WLS: variants seen among roughly 807,000 people sequenced by gnomAD.
The protein encoded by WLS is protein wntless homolog.
In WLS, 23 loss-of-function variants were observed where a neutral mutation model predicts 62.8. That is an observed-to-expected ratio of 0.37 (90% CI 0.26 to 0.52). The LOEUF (loss-of-function observed/expected upper bound fraction) is 0.52. Ranked by LOEUF, WLS falls within the 20% of genes least tolerant of loss-of-function variation. The pLI is 0.92. For missense variants in WLS, 615 were observed against 697.3 expected (o/e 0.88, Z 1.33); for synonymous variants, 246 against 244.1 (o/e 1.01, Z -0.07).
intron 10 of WLS, among the ~76,000 whole-genome samples, chr1:68,143,525 G>A (rs1459322261): frequency 2.0e-5 from 3 of 152,140 alleles, no homozygotes; most frequent in African/African-American, 7.2e-5. Context: ...TATTTTTACT[G>A]TATTTTTCTA....
At chr1:68,168,383 A>T (rs1425667693) in intron 2 of WLS, among the ~76,000 whole-genome samples, 1 of 152,162 alleles carries the variant, frequency 6.6e-6, no homozygotes, top group African/African-American at 2.4e-5. Flanking sequence ...TCCTTTTATG[A>T]CTTCCCACCT....
At chr1:68,211,164 C>T (rs1649499740) in intron 1 of WLS, among the ~76,000 whole-genome samples, 2 of 152,164 alleles carry the variant, frequency 1.3e-5, no homozygotes, top group African/African-American at 4.8e-5. Flanking sequence ...TTAAAAACAT[C>T]TCACCACTAG....
chr1:68,200,308 T>C (rs1377058630), intron 1 of WLS, among the ~76,000 whole-genome samples: 1 of 152,196 alleles, frequency 6.6e-6, no homozygotes, highest in Non-Finnish European at 1.5e-5. Flanking sequence ...GTTAAAAAGC[T>C]GCCAGCACCA....
intron 10 of WLS, among the ~76,000 whole-genome samples, chr1:68,143,712 TC>T (rs1444878639): frequency 1.3e-5 from 2 of 152,182 alleles, no homozygotes; most frequent in African/African-American, 4.8e-5. Context: ...TCTATGATGT[TC>T]CCTTAATGAG....
At chr1:68,118,872 T>G (rs1646328477) in intron 11 of WLS, among the ~76,000 whole-genome samples, 1 of 33,392 alleles carries the variant, frequency 3.0e-5, no homozygotes, top group Non-Finnish European at 5.8e-5. Context: ...CAAGACTCTG[T>G]CTCAAAAAAA....
At position 68,145,860 on chromosome 1, in the gene WLS, T is replaced by C; in HGVS notation, c.1278+9A>G. On this transcript the variant is annotated intron_variant, in intron 9 of 11. Coordinates refer to ENST00000262348, the MANE Select transcript of WLS (RefSeq NM_024911.7). ...ACCAGTTCCAGAACGAGCCAAGAAA[T>C]CTGCCCACCTCATAGTGTAGCCGCC... The C allele has an allele frequency of 1.2e-6, 2 of 1,613,952 alleles. No homozygotes were observed. The highest frequency in any genetic ancestry group is 1.7e-6 in the Non-Finnish European group (2 of 1,179,946).
intron 10 of WLS, among the ~76,000 whole-genome samples, chr1:68,142,290 G>A (rs972814783): frequency 1.4e-4 from 21 of 152,204 alleles, no homozygotes; most frequent in Non-Finnish European, 2.5e-4. Context: ...GTGGCCTTAG[G>A]ATCAAAAGCG....
chr1:68,162,310 A>G, intron 2 of WLS: 1 of 1,613,354 alleles, frequency 6.2e-7, no homozygotes, highest in Non-Finnish European at 8.5e-7. Context: ...TCCCTGCCTC[A>G]TCTGCTTTAT....
At chr1:68,101,003 T>G (rs767779216) in intron 11 of WLS, among the ~76,000 whole-genome samples, 16 of 152,208 alleles carry the variant, frequency 1.1e-4, no homozygotes, top group Non-Finnish European at 1.9e-4. Flanking sequence ...AACATAAACG[T>G]GGCCAAACCG....
intron 1 of WLS, among the ~76,000 whole-genome samples, chr1:68,215,205 C>G (rs906212502): frequency 1.3e-5 from 2 of 152,172 alleles, no homozygotes; most frequent in Admixed American, 6.6e-5. Context: ...CAAAAAACAC[C>G]AATCATCCTC....
chr1:68,229,211 G>T (rs182639112), intron 1 of WLS, among the ~76,000 whole-genome samples: 1 of 152,234 alleles, frequency 6.6e-6, no homozygotes, highest in Non-Finnish European at 1.5e-5. Flanking sequence ...TGGTGGGGTG[G>T]TTGTTTTTGT....
chr1:68,144,707 A>G (rs751876101), intron 9 of WLS, 55 bp from the exon 10 acceptor site: 17 of 1,418,144 alleles, frequency 1.2e-5, no homozygotes, highest in African/African-American at 2.8e-5. Context: ...TCCTTTTCTC[A>G]CTATGTAAAT....
At chr1:68,189,206 A>G (rs1317386099) in intron 2 of WLS, among the ~76,000 whole-genome samples, 1 of 152,138 alleles carries the variant, frequency 6.6e-6, no homozygotes, top group Non-Finnish European at 1.5e-5. Flanking sequence ...ACTTGTGTGC[A>G]AGTCATCCTT....
intron 2 of WLS, 103 bp downstream of exon 2, chr1:68,193,852 T>C (rs1648504301): frequency 2.8e-6 from 4 of 1,437,932 alleles, no homozygotes; most frequent in Non-Finnish European, 3.8e-6. Context: ...AATTGTTTGC[T>C]ATTACTATTA....
chr1:68,136,620 C>T (rs971638052), intron 11 of WLS, among the ~76,000 whole-genome samples: 5 of 152,230 alleles, frequency 3.3e-5, no homozygotes, highest in African/African-American at 9.6e-5. Flanking sequence ...CAATCATTCT[C>T]AAGCATGTTT....
rs201557714 is a variant in WLS at position 68,114,424 on chromosome 1, AATG to A, written c.1511-15674_1511-15672del. Among the ~76,000 whole-genome samples, 829 of 152,276 alleles carry A rather than the reference AATG, an allele frequency of 5.4e-3. 4 individuals carry two copies. Among genetic ancestry groups the A allele is most frequent in the Middle Eastern group, 0.024 (7 of 294 alleles). ...TATTCCACAGGTGTCAAGAATCTATAATGATGATGATGATGGCAAAGACAATGA... is the reference window on the plus strand; with the variant it reads ...TATTCCACAGGTGTCAAGAATCTATAATGATGATGATGGCAAAGACAATGA... On this transcript the variant is annotated intron_variant, in intron 11 of 11. Coordinates refer to the WLS transcript ENST00000354777.
rs75651213 is a variant in WLS at position 68,166,952 on chromosome 1, A to G, written c.380-7705T>C. Among the ~76,000 whole-genome samples the G allele has an allele frequency of 5.0e-3, 762 of 152,338 alleles. 5 individuals are homozygous for G. The highest frequency in any genetic ancestry group is 7.5e-3 in the Non-Finnish European group (507 of 68,036). On this transcript the variant is annotated intron_variant, in intron 2 of 11. Coordinates refer to ENST00000262348, the MANE Select transcript of WLS (RefSeq NM_024911.7). ...TGCCATCTTTTATGATGTACATAAA[A>G]AAATAGAAATCACAGGGAGAATGGC...
intron 4 of WLS, 41 bp from the exon 5 acceptor site, chr1:68,153,694 C>T: frequency 6.2e-7 from 1 of 1,611,596 alleles, no homozygotes; most frequent in Non-Finnish European, 8.5e-7. Flanking sequence ...TGAATATTAT[C>T]TTAGCATTTC....
chr1:68,191,936 G>A (rs150652360), intron 2 of WLS, among the ~76,000 whole-genome samples: 1 of 151,950 alleles, frequency 6.6e-6, no homozygotes, highest in Non-Finnish European at 1.5e-5. Flanking sequence ...CCCTACCAGG[G>A]AAGTCTTCCT....
Sources: allele counts gnomAD v4.1 joint callset (sites outside exome capture counted in the v4.1 genomes callset), GRCh38; gene constraint gnomAD v4.1.1; transcripts MANE v1.5; gene names NCBI Gene and HGNC (gene_info 2026-07-23, HGNC 2026-07-21).